The following C7orf25 variants were observed in gnomAD, a reference collection of about 807,000 sequenced individuals.
C7orf25 encodes UPF0415 protein C7orf25.
C7orf25 carries 14 observed loss-of-function variants against 25.5 expected under a neutral mutation model. The ratio of observed to expected loss-of-function variants is 0.55; its 90% CI spans 0.36 to 0.86. C7orf25 has a LOEUF of 0.86. Ranked by LOEUF, C7orf25 falls within the 40% of genes least tolerant of loss-of-function variation. C7orf25 has a pLI of 0.01. For synonymous variants in C7orf25, 184 were observed against 179.9 expected, an observed-to-expected ratio of 1.02 and a Z score of -0.18; for missense variants, 405 against 493.9, an observed-to-expected ratio of 0.82 and a Z score of 1.71.
rs1785919192 is a variant in C7orf25 at position 42,911,963 on chromosome 7, A to G, written c.-70T>C. 6.7e-7 allele frequency: 1 copy of G among 1,491,442 alleles called. No homozygotes were observed. Among genetic ancestry groups the G allele is most frequent in the Non-Finnish European group, 8.9e-7 (1 of 1,128,772 alleles). The allele number at this position is 1,491,442 out of a possible 1,614,324, so 92.4% of individuals were successfully genotyped here. On this transcript the variant is annotated 5_prime_UTR_variant, in exon 1 of 2. Coordinates refer to ENST00000350427, the MANE Select transcript of C7orf25 (RefSeq NM_001099858.2). ...CGAGCACGCAGGCGCGTGCACGCAGAGGCCGGGACCCGCCGGGAAATCTCA... is the reference window on the plus strand; with the variant it reads ...CGAGCACGCAGGCGCGTGCACGCAGGGGCCGGGACCCGCCGGGAAATCTCA...
At chr7:42,911,519 T>A in intron 1 of C7orf25, 1 of 999,256 alleles carries the variant, frequency 1.0e-6, no homozygotes, top group South Asian at 4.5e-5. Context: ...CAACCCAGAC[T>A]ATTTTAAAAG....
rs968645792 is a variant in C7orf25 at position 42,911,645 on chromosome 7, G to T, written c.-22+270C>A. The T allele has an allele frequency of 1.9e-5, 21 of 1,099,770 alleles. No homozygotes were observed. In the African/African-American group the frequency reaches 3.2e-4, roughly 17 times the overall value. The allele number at this position is 1,099,770 out of a possible 1,614,324, so 68.1% of individuals were successfully genotyped here. ...CGGCGGCCGTGCAAGCGGCCCCAGC[G>T]CAGGTCGCCGGGTGGGCGGGCCAGA... On this transcript the variant is annotated intron_variant, in intron 1 of 1. Transcript: ENST00000350427.
In C7orf25 at chr7:42,910,278, C is replaced by G; in HGVS notation, c.623G>C (p.Ser208Thr). 1 of 1,614,212 alleles carries G rather than the reference C, an allele frequency of 6.2e-7. No individual in the cohort carries two copies. The change falls in exon 2 of 2, where the codon AGT (serine) becomes ACT (threonine). Residue 208 changes from serine to threonine, a missense_variant. Ser to Thr is a moderately conservative substitution (Grantham distance 58, BLOSUM62 1). Transcript: ENST00000350427. ...GCCCTCATCATCTGATTCACTCTCACTTGGTTGAAGCTCTTCAGGGTGATC... is the reference window on the plus strand; with the variant it reads ...GCCCTCATCATCTGATTCACTCTCAGTTGGTTGAAGCTCTTCAGGGTGATC... ...LLDHPEELQP[S>T]ESESDDEGPE...
chr7:42,910,012 T>C lies in C7orf25; in HGVS notation c.889A>G (p.Lys297Glu). The change falls in exon 2 of 2, where the codon AAG becomes GAG. Residue 297 changes from lysine to glutamate, a missense_variant. Physicochemically the swap from Lys to Glu is moderately conservative, Grantham distance 56 (BLOSUM62 1). Coordinates refer to ENST00000350427, the MANE Select transcript of C7orf25 (RefSeq NM_001099858.2). ...QVLPQLEAFM[K>E]DKELFACESA... ...TCACAAGCAAACAACTCCTTGTCCT[T>C]CATAAAGGCCTCCAGCTGAGGTAGA... 1.9e-6 allele frequency: 3 copies of C among 1,614,152 alleles called. No homozygotes were observed. Among genetic ancestry groups the C allele is most frequent in the South Asian group, 2.2e-5 (2 of 91,082 alleles).
chr7:42,911,982 A>G lies in C7orf25; in HGVS notation c.-89T>C, dbSNP rs908798623. 3.4e-5 allele frequency: 51 copies of G among 1,496,308 alleles called. No homozygotes were observed. The highest frequency in any genetic ancestry group is 4.4e-5 in the Non-Finnish European group (50 of 1,131,074). The allele number at this position is 1,496,308 out of a possible 1,614,324, so 92.7% of individuals were successfully genotyped here. A position where few individuals can be genotyped will look rare whatever the true frequency, so the allele number is the denominator to read the frequency against. On this transcript the variant is annotated 5_prime_UTR_variant, in exon 1 of 2. Coordinates refer to ENST00000350427, the MANE Select transcript of C7orf25 (RefSeq NM_001099858.2). Reference sequence around the variant, plus strand: ...ACGCAGAGGCCGGGACCCGCCGGGAAATCTCAACCGGGCAGCCCCCACCCC... The same window carrying G: ...ACGCAGAGGCCGGGACCCGCCGGGAGATCTCAACCGGGCAGCCCCCACCCC...
Position 42,909,849 on chromosome 7 carries a change from C to T in C7orf25, c.1052G>A (p.Ser351Asn). ...TAATGAGCGGCTATTAATTTTTGAA[C>T]TGGCCACTAGTCTCAAGGCACGCTC... ...PSERALRLVASSKINSRSLTI... is the reference protein window; with the variant it reads ...PSERALRLVANSKINSRSLTI... Residue 351 changes from serine to asparagine, a missense_variant, in exon 2 of 2, where the codon AGT becomes AAT. Ser to Asn is a conservative substitution (Grantham distance 46). Transcript: ENST00000350427. The T allele has an allele frequency of 6.2e-7, 1 of 1,614,232 alleles. No homozygotes were observed. The highest frequency in any genetic ancestry group is 8.5e-7 in the Non-Finnish European group (1 of 1,180,050).
chr7:42,909,902 T>C lies in C7orf25; in HGVS notation c.999A>G (p.Arg333=). The change falls in exon 2 of 2, where the codon CGA becomes CGG. Residue 333 remains arginine (R), a synonymous_variant. Transcript: ENST00000350427. The stretch of plus-strand genomic sequence containing the variant: ...AAGGCTGGTCTGGTACCACATTAAT[T>C]CGCTTAATTAACACAGTGGCCCTCT... ...ERERATVLIK[R]INVVPDQPSE... 1 of 1,614,190 alleles carries C rather than the reference T, an allele frequency of 6.2e-7. No homozygotes were observed. The highest frequency in any genetic ancestry group is 1.1e-5 in the South Asian group (1 of 91,080).
At position 42,909,657 on chromosome 7, in the gene C7orf25, T is replaced by C. The variant is rs202206876; in HGVS notation, c.1244A>G (p.Tyr415Cys). The C allele has an allele frequency of 6.2e-7, 1 of 1,613,048 alleles. No individual in the cohort carries two copies. Among genetic ancestry groups the C allele is most frequent in the East Asian group, 2.2e-5 (1 of 44,888 alleles). The part of the protein sequence containing the change: ...EALATPLPKD[Y>C]TTDSEH ...TCTTTAGTGTTCACTGTCAGTTGTG[T>C]AGTCTTTTGGTAAGGGGGTGGCTAG... is the stretch of plus-strand genomic sequence containing the variant. Residue 415 changes from tyrosine (Y) to cysteine (C), a missense_variant, in exon 2 of 2, where the codon TAC becomes TGC. Transcript: ENST00000350427.
chr7:42,911,754 G>A (rs1785908504), intron 1 of C7orf25, 161 bp downstream of exon 1: 2 of 1,226,960 alleles, frequency 1.6e-6, no homozygotes, highest in Non-Finnish European at 2.0e-6. Context: ...AGGAGGGGCC[G>A]GGGCCGAAAA....
rs376421878 is a variant in C7orf25 at position 42,910,312 on chromosome 7, C to T, written c.589G>A (p.Ala197Thr). ...SVRGDIVAVNALLDHPEELQP... is the reference protein window; with the variant it reads ...SVRGDIVAVNTLLDHPEELQP... ...AGCTCTTCAGGGTGATCTAACAGAG[C>T]GTTGACTGCTACTATGTCTCCTCTC... Residue 197 changes from alanine to threonine, a missense_variant, in exon 2 of 2, where the codon GCT becomes ACT. Physicochemically the swap from Ala to Thr is moderately conservative, Grantham distance 58. Transcript: ENST00000350427. 3.7e-6 allele frequency: 6 copies of T among 1,614,078 alleles called. No homozygotes were observed. The highest frequency in any genetic ancestry group is 2.2e-5 in the South Asian group (2 of 91,086).
rs777989676 is a variant in C7orf25 at position 42,911,992 on chromosome 7, G to C, written c.-99C>G. 10 of 1,494,768 alleles carry C rather than the reference G, an allele frequency of 6.7e-6. No homozygotes were observed. The highest frequency in any genetic ancestry group is 1.8e-4 in the Middle Eastern group (1 of 5,514). The allele number at this position is 1,494,768 out of a possible 1,614,324, so 92.6% of individuals were successfully genotyped here. A position where few individuals can be genotyped will look rare whatever the true frequency, so the allele number is the denominator to read the frequency against. Reference sequence around the variant, plus strand: ...CGGGACCCGCCGGGAAATCTCAACCGGGCAGCCCCCACCCCGCTCGAACGC... The same window carrying C: ...CGGGACCCGCCGGGAAATCTCAACCCGGCAGCCCCCACCCCGCTCGAACGC... On this transcript the variant is annotated 5_prime_UTR_variant, in exon 1 of 2. Transcript: ENST00000350427.
Position 42,910,939 on chromosome 7 carries a change from G to A in C7orf25, c.-21-18C>T, listed in dbSNP as rs770821372. ...TTCCTTTCCTAGGGAAAGAAACAAG[G>A]CAAACTTCAGTAGTCTCCTAAAATT... On this transcript the variant is annotated intron_variant, in intron 1 of 1. Transcript: ENST00000350427. 1 of 1,607,906 alleles carries A rather than the reference G, an allele frequency of 6.2e-7. No homozygotes were observed.
Position 42,912,015 on chromosome 7 carries a change from C to G in C7orf25, c.-122G>C. Reference sequence around the variant, plus strand: ...CCGGGCAGCCCCCACCCCGCTCGAACGCCGAGGCGGCTCCACCCGCGCGAG... The same window carrying G: ...CCGGGCAGCCCCCACCCCGCTCGAAGGCCGAGGCGGCTCCACCCGCGCGAG... On this transcript the variant is annotated 5_prime_UTR_variant, in exon 1 of 2. Transcript: ENST00000350427. The G allele has an allele frequency of 6.7e-7, 1 of 1,484,328 alleles. No homozygotes were observed. Among genetic ancestry groups the G allele is most frequent in the Non-Finnish European group, 8.9e-7 (1 of 1,124,746 alleles). 91.9% of individuals were successfully genotyped at this position (1,484,328 alleles called of 1,614,324 possible).
Position 42,910,129 on chromosome 7 carries a change from A to G in C7orf25, c.772T>C (p.Tyr258His), listed in dbSNP as rs923707789. 21 of 1,614,056 alleles carry G rather than the reference A, an allele frequency of 1.3e-5. No homozygotes were observed. Among genetic ancestry groups the G allele is most frequent in the Non-Finnish European group, 1.8e-5 (21 of 1,180,054 alleles). Residue 258 changes from tyrosine (Y) to histidine (H), a missense_variant, in exon 2 of 2, where the codon TAT becomes CAT. Tyr to His is a moderately conservative substitution (Grantham distance 83). Coordinates refer to ENST00000350427, the MANE Select transcript of C7orf25 (RefSeq NM_001099858.2). ...VNLDITTLITYVSALSYGGCH... is the reference protein window; with the variant it reads ...VNLDITTLITHVSALSYGGCH... ...CCTCCATAGCTGAGGGCAGATACAT[A>G]TGTGATTAAAGTAGTAATGTCCAGA...
Position 42,911,627 on chromosome 7 carries a change from C to T in C7orf25, c.-22+288G>A, listed in dbSNP as rs554765399. ...CTCCAAGGCTGCAACCCGCGGCGGC[C>T]GTGCAAGCGGCCCCAGCGCAGGTCG... On this transcript the variant is annotated intron_variant, in intron 1 of 1. Coordinates refer to ENST00000350427, the MANE Select transcript of C7orf25 (RefSeq NM_001099858.2). The T allele has an allele frequency of 1.5e-5, 16 of 1,079,634 alleles. No homozygotes were observed. The Admixed American group carries it at 5.8e-4, about 39-fold the overall frequency. The allele number at this position is 1,079,634 out of a possible 1,614,324, so 66.9% of individuals were successfully genotyped here.
At position 42,912,053 on chromosome 7, in the gene C7orf25, G is replaced by C. The variant is rs367610420; in HGVS notation, c.-160C>G. ...CCACCCGCGCGAGCCCCGCCGCCTC[G>C]GGCACCTCCTGCATCACGTGGTTCC... On this transcript the variant is annotated 5_prime_UTR_variant, in exon 1 of 2. Transcript: ENST00000350427. The C allele has an allele frequency of 6.5e-5, 95 of 1,455,236 alleles. No homozygotes were observed. In the African/African-American group the frequency reaches 1.1e-3, roughly 17 times the overall value. The allele number at this position is 1,455,236 out of a possible 1,614,324, so 90.1% of individuals were successfully genotyped here.
rs766241795 is a variant in C7orf25 at position 42,910,561 on chromosome 7, GA to G, written c.339del (p.His114IlefsTer4). Reference protein sequence around the residue: ...TLVVDVVANGGHTWVKAIGRK... With the variant: ...TLVVDVVANGXHTWVKAIGRK... ...CGGCCAATGGCTTTCACCCAAGTAT[GA>G]CCACCATTTGCAACTACATCTACCA... is the stretch of plus-strand genomic sequence containing the variant. On this transcript the variant is annotated frameshift_variant, in exon 2 of 2. Transcript: ENST00000350427. LOFTEE classifies it high-confidence loss of function. The G allele has an allele frequency of 6.2e-7, 1 of 1,614,168 alleles. No individual in the cohort carries two copies. Among genetic ancestry groups the G allele is most frequent in the Non-Finnish European group, 8.5e-7 (1 of 1,180,048 alleles).
At position 42,910,595 on chromosome 7, in the gene C7orf25, T is replaced by G; in HGVS notation, c.306A>C (p.Gln102His). The change falls in exon 2 of 2, where the codon CAA becomes CAC. Residue 102 changes from glutamine to histidine, a missense_variant. Transcript: ENST00000350427. ...FGYTDTLGEK[Q>H]TLVVDVVANG... ...TTGCAACTACATCTACCACAAGGGT[T>G]TGCTTTTCTCCTAAGGTATCTGTAT... 6.2e-7 allele frequency: 1 copy of G among 1,614,180 alleles called. No individual in the cohort carries two copies. The highest frequency in any genetic ancestry group is 8.5e-7 in the Non-Finnish European group (1 of 1,180,038).
At position 42,909,950 on chromosome 7, in the gene C7orf25, G is replaced by A; in HGVS notation, c.951C>T (p.Thr317=). ...TCTCTCTCTCCCCAGGTCCTCCTAAGGTATCTAAAATAGACTGAAAGTCCT... is the reference window on the plus strand; with the variant it reads ...TCTCTCTCTCCCCAGGTCCTCCTAAAGTATCTAAAATAGACTGAAAGTCCT... ...AVKDFQSILD[T]LGGPGERERA... The change falls in exon 2 of 2, where the codon ACC becomes ACT. Residue 317 remains threonine (T), a synonymous_variant. Transcript: ENST00000350427. 1 of 1,614,140 alleles carries A rather than the reference G, an allele frequency of 6.2e-7. No individual in the cohort carries two copies. Among genetic ancestry groups the A allele is most frequent in the Non-Finnish European group, 8.5e-7 (1 of 1,180,026 alleles).
Sources: gnomAD v4.1 joint callset for allele counts on GRCh38, gnomAD v4.1.1 for gene constraint, MANE v1.5 for transcripts, NCBI Gene and HGNC (gene_info 2026-07-23, HGNC 2026-07-21) for gene names.